Variants in TNIP3 observed in about 807,000 individuals in gnomAD.
The protein encoded by TNIP3 is TNFAIP3 interacting protein 3, also known as TNFAIP3-interacting protein 3.
Under a neutral mutation model 54.1 loss-of-function variants are expected in TNIP3, and 34 were observed. That is an observed-to-expected ratio of 0.63 (90% confidence interval 0.48 to 0.84). TNIP3 has a LOEUF of 0.84. Among genes scored for constraint, TNIP3 ranks in the 40% least tolerant of loss-of-function variants. The pLI, the probability that TNIP3 is intolerant of heterozygous loss-of-function variation, is 0.00. For synonymous variants in TNIP3, 134 were observed against 136.8 expected, an observed-to-expected ratio of 0.98 and a Z score of 0.14; for missense variants, 366 against 387.6, an observed-to-expected ratio of 0.94 and a Z score of 0.47.
chr4:121,215,395 C>G (rs1471888138), intron 2 of TNIP3, among the ~76,000 whole-genome samples: 2 of 152,238 alleles, frequency 1.3e-5, no homozygotes, highest in South Asian at 2.1e-4. Flanking sequence ...TCTTTATAAA[C>G]AGAAATATTG....
chr4:121,145,792 C>CACA (rs1729392384), intron 7 of TNIP3, among the ~76,000 whole-genome samples: 1 of 151,456 alleles, frequency 6.6e-6, no homozygotes, highest in Non-Finnish European at 1.5e-5. Flanking sequence ...TGTGCAGAGA[C>CACA]AACTTAAAAG....
At chr4:121,190,517 T>C (rs1725250290) in intron 2 of TNIP3, among the ~76,000 whole-genome samples, 1 of 152,234 alleles carries the variant, frequency 6.6e-6, no homozygotes, top group South Asian at 2.1e-4. Flanking sequence ...ATCCATATTA[T>C]GTCTTTCCTT....
Position 121,147,053 on chromosome 4 carries a change from G to C in TNIP3, c.731C>G (p.Ser244Cys), listed in dbSNP as rs780325174. The change falls in exon 7 of 11, where the codon TCC becomes TGC. Residue 244 changes from serine to cysteine, a missense_variant. Ser to Cys is a moderately radical substitution (Grantham distance 112). Transcript: ENST00000057513. ...TSQSQLNRLN[S>C]QIKACQMEKE... ...TTATTTTGTTTTGACTTGTACCTGG[G>C]AATTCAGCCTGTTCAACTGGGATTG... The C allele has an allele frequency of 6.2e-7, 1 of 1,610,374 alleles. No homozygotes were observed. Among genetic ancestry groups the C allele is most frequent in the South Asian group, 1.1e-5 (1 of 90,278 alleles).
rs72685957 is a variant in TNIP3, at chr4:121,205,026, G to T, written c.68+11389C>A. On this transcript the variant is annotated intron_variant, in intron 2 of 12. Coordinates refer to the TNIP3 transcript ENST00000507879. ...GGTTCTTGACTGATTTTTCATTATG[G>T]GTGTCTTTTCCCTTTCCCATTTGTA... Among the ~76,000 whole-genome samples the T allele has an allele frequency of 9.7e-3, 1,480 of 152,068 alleles. 16 individuals are homozygous for T. The highest frequency in any genetic ancestry group is 0.029 in the South Asian group (139 of 4,806).
chr4:121,188,493 C>T (rs186296558), intron 2 of TNIP3, among the ~76,000 whole-genome samples: 196 of 152,224 alleles, frequency 1.3e-3, no homozygotes, highest in African/African-American at 4.5e-3. Context: ...GTCTCCAGTA[C>T]AGAAGTCTCC....
At chr4:121,167,242 T>G (rs1172227566), upstream of TNIP3, among the ~76,000 whole-genome samples, 1 of 151,922 alleles carries the variant, frequency 6.6e-6, no homozygotes, top group Non-Finnish European at 1.5e-5. Context: ...CACATACATA[T>G]GTGTGTGTGG....
intron 10 of TNIP3, 72 bp downstream of exon 10, chr4:121,138,552 T>C: frequency 1.4e-6 from 2 of 1,401,156 alleles, no homozygotes; most frequent in Non-Finnish European, 2.0e-6. Flanking sequence ...GAATGTATGT[T>C]GAGTAAACAT....
Position 121,164,159 on chromosome 4 carries a change from A to G in TNIP3, c.-34T>C, listed in dbSNP as rs369711177. 42 of 1,613,342 alleles carry G rather than the reference A, an allele frequency of 2.6e-5. No individual in the cohort carries two copies. The highest frequency in any genetic ancestry group is 3.6e-5 in the Non-Finnish European group (42 of 1,179,632). ...TTTTTCCTGGAGTCTTGGAAAGCAG[A>G]AAGAAAAACAGGGGAAAAGTCTCTT... On this transcript the variant is annotated 5_prime_UTR_variant, in exon 1 of 11. Transcript: ENST00000057513.
intron 1 of TNIP3, among the ~76,000 whole-genome samples, chr4:121,161,893 G>A (rs1271424461): frequency 6.6e-6 from 1 of 152,124 alleles, no homozygotes; most frequent in Non-Finnish European, 1.5e-5. Flanking sequence ...CACAAAAGCT[G>A]TGGAAGCTGT....
chr4:121,222,494 A>G (rs1296357401), intron 1 of TNIP3, among the ~76,000 whole-genome samples: 1 of 152,202 alleles, frequency 6.6e-6, no homozygotes, highest in Non-Finnish European at 1.5e-5. Context: ...GTCCTTACCT[A>G]CAAAGTAAGG....
chr4:121,210,449 G>A (rs1240853223), intron 2 of TNIP3, among the ~76,000 whole-genome samples: 1 of 152,122 alleles, frequency 6.6e-6, no homozygotes, highest in Admixed American at 6.6e-5. Flanking sequence ...CCTTCACACA[G>A]CCTCTGAAAT....
intron 7 of TNIP3, among the ~76,000 whole-genome samples, chr4:121,146,266 A>G (rs1331887971): frequency 6.6e-6 from 1 of 152,214 alleles, no homozygotes; most frequent in African/African-American, 2.4e-5. Context: ...TGTATTTGGA[A>G]GAAAATGATG....
intron 2 of TNIP3, among the ~76,000 whole-genome samples, chr4:121,185,561 C>T (rs972679683): frequency 2.0e-5 from 3 of 152,122 alleles, no homozygotes; most frequent in Admixed American, 2.0e-4. Context: ...TCTTAGCACA[C>T]AGTAGGACAT....
At chr4:121,177,696 C>T (rs927741691) in intron 3 of TNIP3, among the ~76,000 whole-genome samples, 2 of 152,214 alleles carry the variant, frequency 1.3e-5, no homozygotes, top group Non-Finnish European at 2.9e-5. Context: ...TTGGCTCACG[C>T]TTGTGTTAAC....
intron 2 of TNIP3, among the ~76,000 whole-genome samples, chr4:121,190,606 C>G (rs757631275): frequency 6.6e-6 from 1 of 152,136 alleles, no homozygotes; most frequent in Non-Finnish European, 1.5e-5. Flanking sequence ...GGGGACACAC[C>G]TGTCTGCTAT....
chr4:121,215,770 C>T (rs1579507512), intron 2 of TNIP3, among the ~76,000 whole-genome samples: 1 of 151,914 alleles, frequency 6.6e-6, no homozygotes, highest in Non-Finnish European at 1.5e-5. Flanking sequence ...GCTTAGGCAT[C>T]TGCATGGCTT....
intron 7 of TNIP3, among the ~76,000 whole-genome samples, chr4:121,143,148 T>A (rs1420757752): frequency 6.6e-6 from 1 of 152,178 alleles, no homozygotes; most frequent in Non-Finnish European, 1.5e-5. Flanking sequence ...GTCAGAAACT[T>A]ATCTAAATTT....
At chr4:121,157,012 C>T (rs1730140177) in intron 4 of TNIP3, 82 bp downstream of exon 4, 1 of 1,570,288 alleles carries the variant, frequency 6.4e-7, no homozygotes, top group Non-Finnish European at 8.7e-7. Flanking sequence ...TTTAATAAAA[C>T]GGTAGGTTTT....
chr4:121,221,966 C>T (rs1174227585), intron 1 of TNIP3, among the ~76,000 whole-genome samples: 2 of 152,100 alleles, frequency 1.3e-5, no homozygotes, highest in African/African-American at 4.8e-5. Context: ...GTTCCTGAAC[C>T]AGGAGTCAGG....
Sources: gnomAD v4.1 joint callset for allele counts (sites outside exome capture counted in the v4.1 genomes callset) on GRCh38, gnomAD v4.1.1 for gene constraint, MANE v1.5 for transcripts, NCBI Gene and HGNC (gene_info 2026-07-23, HGNC 2026-07-21) for gene names.